SH2D4B: variants seen among roughly 807,000 people sequenced by gnomAD.
SH2D4B encodes the protein SH2 domain containing 4B, also known as SH2 domain-containing protein 4B.
A neutral mutation model predicts 61.5 loss-of-function variants in SH2D4B; 45 were observed. The ratio of observed to expected loss-of-function variants is 0.73; its 90% CI spans 0.58 to 0.94. SH2D4B has a LOEUF of 0.94. Ranked by LOEUF, SH2D4B falls within the 40% of genes least tolerant of loss-of-function variation. SH2D4B has a pLI of 0.00. For synonymous variants in SH2D4B, 224 were observed against 220.4 expected, an observed-to-expected ratio of 1.02 and a Z score of -0.14; for missense variants, 572 against 574.2, an observed-to-expected ratio of 1.00 and a Z score of 0.04.
intron 1 of SH2D4B, among the ~76,000 whole-genome samples, chr10:80,550,104 G>A (rs2132105894): frequency 6.6e-6 from 1 of 152,282 alleles, no homozygotes; most frequent in East Asian, 1.9e-4. Flanking sequence ...GTCCCTGGAA[G>A]CTAAGGAGGA....
At chr10:80,604,918 C>T (rs1486202693) in intron 5 of SH2D4B, among the ~76,000 whole-genome samples, 4 of 152,082 alleles carry the variant, frequency 2.6e-5, no homozygotes, top group South Asian at 2.1e-4. Context: ...CTCAGCATCC[C>T]AAGTAGCTGG....
chr10:80,552,159 G>T (rs1265230546), intron 1 of SH2D4B, among the ~76,000 whole-genome samples: 2 of 152,088 alleles, frequency 1.3e-5, no homozygotes, highest in Non-Finnish European at 2.9e-5. Context: ...GAATTGCAGG[G>T]GTACACAAAC....
chr10:80,644,216 C>T lies in SH2D4B; in HGVS notation c.*131C>T, dbSNP rs1357673945. On this transcript the variant is annotated 3_prime_UTR_variant, in exon 8 of 8. Coordinates refer to ENST00000646907, the MANE Select transcript of SH2D4B (RefSeq NM_001388272.1). The stretch of plus-strand genomic sequence containing the variant: ...CAAAGGAAAAAGTAGATTAATATGC[C>T]TCAAGGGATATGACATCTATGGCAT... 3 of 702,140 alleles carry T rather than the reference C, an allele frequency of 4.3e-6. No homozygotes were observed. Among genetic ancestry groups the T allele is most frequent in the Non-Finnish European group, 4.9e-6 (2 of 412,290 alleles). 43.5% of individuals were successfully genotyped at this position (702,140 alleles called of 1,614,324 possible). A position where few individuals can be genotyped will look rare whatever the true frequency, so the allele number is the denominator to read the frequency against.
chr10:80,549,335 G>A (rs1350253431), intron 1 of SH2D4B, among the ~76,000 whole-genome samples: 4 of 152,086 alleles, frequency 2.6e-5, no homozygotes, highest in Non-Finnish European at 4.4e-5. Flanking sequence ...CTTGAGATCC[G>A]GTATGGCCCT....
intron 6 of SH2D4B, among the ~76,000 whole-genome samples, chr10:80,612,368 T>C (rs116281073): frequency 0.034 from 5,142 of 152,082 alleles, 127 homozygotes; most frequent in African/African-American, 0.056. Flanking sequence ...TTGCTGCAGG[T>C]TGGCAGGGGA....
At chr10:80,568,279 G>A (rs574379927) in intron 1 of SH2D4B, among the ~76,000 whole-genome samples, 2 of 152,272 alleles carry the variant, frequency 1.3e-5, no homozygotes, top group African/African-American at 4.8e-5. Flanking sequence ...GCAGGGAGCT[G>A]GAGGAGGCTG....
chr10:80,642,409 A>G (rs1840322527), intron 7 of SH2D4B, among the ~76,000 whole-genome samples: 1 of 152,232 alleles, frequency 6.6e-6, no homozygotes, highest in Non-Finnish European at 1.5e-5. Flanking sequence ...ACGACTATTT[A>G]GGTTTTGCAC....
chr10:80,601,525 G>A (rs187428689), intron 4 of SH2D4B, among the ~76,000 whole-genome samples: 215 of 152,220 alleles, frequency 1.4e-3, no homozygotes, highest in Non-Finnish European at 2.5e-3. Context: ...AATACGTATC[G>A]CCTGCCGACT....
chr10:80,605,596 G>A (rs974022121), intron 5 of SH2D4B, among the ~76,000 whole-genome samples: 5 of 152,162 alleles, frequency 3.3e-5, no homozygotes, highest in South Asian at 4.1e-4. Context: ...GTCACTCACT[G>A]CAACCTCCGC....
intron 3 of SH2D4B, among the ~76,000 whole-genome samples, chr10:80,587,091 T>G (rs900934289): frequency 3.3e-5 from 5 of 150,056 alleles, no homozygotes; most frequent in Non-Finnish European, 7.4e-5. Context: ...GCTTCATTCT[T>G]GAAGTCAGTG....
chr10:80,583,471 C>T lies in SH2D4B; in HGVS notation c.496-5159C>T, dbSNP rs1842207180. ...ATCACCTGAGGTTGGGAGTTCAAGA[C>T]CAGCCTGACCAACATGATGAAACCC... On this transcript the variant is annotated intron_variant, in intron 3 of 7. Coordinates refer to ENST00000646907, the MANE Select transcript of SH2D4B (RefSeq NM_001388272.1). Among the ~76,000 whole-genome samples the T allele has an allele frequency of 2.1e-5, 3 of 144,990 alleles. No individual in the cohort carries two copies. In the South Asian group the frequency reaches 6.4e-4, roughly 31 times the overall value.
chr10:80,594,084 G>T (rs935232536), intron 4 of SH2D4B, among the ~76,000 whole-genome samples: 3 of 152,144 alleles, frequency 2.0e-5, no homozygotes, highest in Admixed American at 1.3e-4. Flanking sequence ...AAAGTTCTGG[G>T]ATTACAGATG....
intron 5 of SH2D4B, among the ~76,000 whole-genome samples, chr10:80,604,585 C>T (rs1186115606): frequency 6.6e-6 from 1 of 152,134 alleles, no homozygotes; most frequent in Non-Finnish European, 1.5e-5. Flanking sequence ...GAAGGGGTGT[C>T]TGAGTTTTGC....
chr10:80,538,985 C>A lies in SH2D4B; in HGVS notation c.184+470C>A, dbSNP rs1423648443. On this transcript the variant is annotated intron_variant, in intron 1 of 7. Coordinates refer to ENST00000646907, the MANE Select transcript of SH2D4B (RefSeq NM_001388272.1). The surrounding 1 kb of genome is among the most constrained non-coding windows in gnomAD (Gnocchi z 4.8). ...GGCCCCTTCTGTGGACTGTGCCTCT[C>A]CCTCCAGATCCTCCGGCAGGAGGAT... 6.6e-6 allele frequency among the ~76,000 whole-genome samples: 1 copy of A among 152,228 alleles called. No homozygotes were observed. Among genetic ancestry groups the A allele is most frequent in the Non-Finnish European group, 1.5e-5 (1 of 68,042 alleles).
chr10:80,628,194 A>G (rs977680964), intron 6 of SH2D4B, among the ~76,000 whole-genome samples: 3 of 152,120 alleles, frequency 2.0e-5, no homozygotes, highest in African/African-American at 7.2e-5. Flanking sequence ...TCAGAGGGTG[A>G]TATGGTTTTG....
chr10:80,558,264 A>G (rs1396658740), intron 1 of SH2D4B, among the ~76,000 whole-genome samples: 2 of 152,048 alleles, frequency 1.3e-5, no homozygotes, highest in Non-Finnish European at 2.9e-5. Context: ...TGAGAATCCT[A>G]TCTATCTGGG....
intron 3 of SH2D4B, among the ~76,000 whole-genome samples, chr10:80,580,383 T>G (rs1842174104): frequency 6.6e-6 from 1 of 152,128 alleles, no homozygotes; most frequent in Admixed American, 6.5e-5. Flanking sequence ...GCCCTTAGGG[T>G]ACATCCTCTG....
At position 80,646,187 on chromosome 10, in the gene SH2D4B, T is replaced by C. The variant is rs1840393042; in HGVS notation, c.*2102T>C. Reference sequence around the variant, plus strand: ...CACAATAACAATAACAACTTAGTGCTTAGCCCATGATGTATCAGGGGATAT... The same window carrying C: ...CACAATAACAATAACAACTTAGTGCCTAGCCCATGATGTATCAGGGGATAT... On this transcript the variant is annotated 3_prime_UTR_variant, in exon 8 of 8. Transcript: ENST00000646907. 6.6e-6 allele frequency: 1 copy of C among 152,642 alleles called. No homozygotes were observed. Among genetic ancestry groups the C allele is most frequent in the Non-Finnish European group, 1.5e-5 (1 of 68,042 alleles). The allele number at this position is 152,642 out of a possible 1,614,324, so 9.5% of individuals were successfully genotyped here.
At chr10:80,559,134 A>C (rs6586068) in intron 1 of SH2D4B, among the ~76,000 whole-genome samples, 52,905 of 151,916 alleles carry the variant, frequency 0.35, 10,437 homozygotes, top group African/African-American at 0.54. Context: ...ACAAATGTTT[A>C]GTTGTATTTA....
Sources: allele counts gnomAD v4.1 joint callset (sites outside exome capture counted in the v4.1 genomes callset), GRCh38; gene constraint gnomAD v4.1.1; non-coding constraint Gnocchi (gnomAD v3.1); transcripts MANE v1.5; gene names NCBI Gene and HGNC (gene_info 2026-07-23, HGNC 2026-07-21).